Variants in RPS6KC1 observed in about 807,000 individuals in gnomAD.
RPS6KC1 encodes ribosomal protein S6 kinase C1.
In RPS6KC1, 54 loss-of-function variants were observed where a neutral mutation model predicts 103.8. That is an observed-to-expected ratio of 0.52 (90% CI 0.42 to 0.65). The LOEUF (loss-of-function observed/expected upper bound fraction) is 0.65, where lower values mean the gene tolerates loss of function less well. RPS6KC1 is among the 30% of genes least tolerant of loss of function. The probability of loss-of-function intolerance (pLI) is 0.00; values close to 1 mark genes in which losing one functional copy is unlikely to be tolerated. For synonymous variants in RPS6KC1, 439 were observed against 438.7 expected, an observed-to-expected ratio of 1.00 and a Z score of -0.01; for missense variants, 1,151 against 1,253.8, an observed-to-expected ratio of 0.92 and a Z score of 1.24.
chr1:213,676,807 C>T, the RPS6KC1 span, among the ~76,000 whole-genome samples: 1 of 152,210 alleles, frequency 6.6e-6, no homozygotes, highest in East Asian at 1.9e-4. Context: ...TCTCTGAGAT[C>T]AAGTTTTAAA....
chr1:213,576,240 A>G, the RPS6KC1 span, among the ~76,000 whole-genome samples: 1 of 152,194 alleles, frequency 6.6e-6, no homozygotes, highest in Admixed American at 6.5e-5. Context: ...TAAAAATAAT[A>G]TAAATTTAAA....
At chr1:213,223,436 C>G (rs531328290) in intron 8 of RPS6KC1, among the ~76,000 whole-genome samples, 19 of 152,292 alleles carry the variant, frequency 1.2e-4, no homozygotes, top group African/African-American at 4.3e-4. Flanking sequence ...TAGCTTAGCT[C>G]CCACTTACGA....
intron 1 of RPS6KC1, among the ~76,000 whole-genome samples, chr1:213,053,126 T>C (rs1336681426): frequency 6.6e-6 from 1 of 152,210 alleles, no homozygotes; most frequent in African/African-American, 2.4e-5. Context: ...TATACCACTC[T>C]TGAAACCTTT....
the RPS6KC1 span, among the ~76,000 whole-genome samples, chr1:213,339,618 G>A: frequency 6.6e-6 from 1 of 152,222 alleles, no homozygotes; most frequent in Non-Finnish European, 1.5e-5. Context: ...ATATACTTCA[G>A]ATCTCTTTCA....
At chr1:213,609,392 C>A in the RPS6KC1 span, among the ~76,000 whole-genome samples, 9 of 152,254 alleles carry the variant, frequency 5.9e-5, no homozygotes, top group Non-Finnish European at 4.4e-5. Context: ...TTTGTCCTCA[C>A]GCCCACCATG....
the RPS6KC1 span, among the ~76,000 whole-genome samples, chr1:213,294,241 T>A: frequency 1.3e-5 from 2 of 152,206 alleles, no homozygotes; most frequent in African/African-American, 4.8e-5. Flanking sequence ...AGAATTGATC[T>A]TGTAGTTTAC....
At chr1:213,556,374 T>C in the RPS6KC1 span, among the ~76,000 whole-genome samples, 96,127 of 152,088 alleles carry the variant, frequency 0.63, 30,766 homozygotes, top group East Asian at 0.86. Flanking sequence ...ATAGTAACAA[T>C]AGTACATTAT....
At chr1:213,840,880 G>A in the RPS6KC1 span, 1 of 152,120 alleles carries the variant, frequency 6.6e-6, no homozygotes, top group Non-Finnish European at 1.5e-5. Flanking sequence ...AGGGATGCTA[G>A]AGAGGAGATC....
intron 8 of RPS6KC1, among the ~76,000 whole-genome samples, chr1:213,217,114 T>C (rs2093686183): frequency 6.6e-6 from 1 of 151,650 alleles, no homozygotes; most frequent in Admixed American, 6.5e-5. Flanking sequence ...ACAAAATTGA[T>C]AGACAGCTAG....
At chr1:213,616,129 T>C in the RPS6KC1 span, among the ~76,000 whole-genome samples, 4 of 152,216 alleles carry the variant, frequency 2.6e-5, no homozygotes, top group African/African-American at 9.7e-5. Flanking sequence ...GTGCAAGGCA[T>C]GGCCCCAGCT....
the RPS6KC1 span, among the ~76,000 whole-genome samples, chr1:213,536,218 A>C: frequency 6.6e-6 from 1 of 152,172 alleles, no homozygotes; most frequent in South Asian, 2.1e-4. Flanking sequence ...GCTGCATAAA[A>C]CGGAGTAAAT....
the RPS6KC1 span, among the ~76,000 whole-genome samples, chr1:213,413,294 C>T: frequency 6.6e-6 from 1 of 152,148 alleles, no homozygotes; most frequent in African/African-American, 2.4e-5. Context: ...TTTGAGTTAT[C>T]TTGAAATATA....
At chr1:213,337,909 G>A in the RPS6KC1 span, among the ~76,000 whole-genome samples, 1 of 152,130 alleles carries the variant, frequency 6.6e-6, no homozygotes, top group Non-Finnish European at 1.5e-5. Flanking sequence ...ATATAGGGTA[G>A]GGACAATTTC....
the RPS6KC1 span, among the ~76,000 whole-genome samples, chr1:213,354,209 T>C: frequency 6.6e-6 from 1 of 152,228 alleles, no homozygotes; most frequent in Non-Finnish European, 1.5e-5. Flanking sequence ...GTTGGAAGAA[T>C]CCAAGCTGGT....
At chr1:213,825,985 T>C in the RPS6KC1 span, among the ~76,000 whole-genome samples, 1 of 152,230 alleles carries the variant, frequency 6.6e-6, no homozygotes, top group African/African-American at 2.4e-5. Flanking sequence ...ATTTCATTAT[T>C]ACCCAGATAT....
the RPS6KC1 span, among the ~76,000 whole-genome samples, chr1:213,284,370 G>A: frequency 2.6e-5 from 4 of 151,984 alleles, no homozygotes; most frequent in South Asian, 2.1e-4. Flanking sequence ...CAAAAAAACC[G>A]AGCATGGTGG....
At chr1:213,255,149 A>G (rs2094612771) in intron 12 of RPS6KC1, among the ~76,000 whole-genome samples, 1 of 151,956 alleles carries the variant, frequency 6.6e-6, no homozygotes, top group African/African-American at 2.4e-5. Flanking sequence ...AAAAATAGAA[A>G]TAAAAAAATT....
the RPS6KC1 span, among the ~76,000 whole-genome samples, chr1:213,328,543 A>ATAT: frequency 2.2e-3 from 198 of 88,580 alleles, no homozygotes; most frequent in Middle Eastern, 6.0e-3. Flanking sequence ...TATATATATC[A>ATAT]CACACACACG....
chr1:213,172,986 C>G (rs1466256605), intron 7 of RPS6KC1, among the ~76,000 whole-genome samples: 1 of 152,180 alleles, frequency 6.6e-6, no homozygotes, highest in East Asian at 1.9e-4. Flanking sequence ...CCAAGTTTCC[C>G]CTAACAACAT....
Sources: allele counts gnomAD v4.1 joint callset (sites outside exome capture counted in the v4.1 genomes callset), GRCh38; gene constraint gnomAD v4.1.1; transcripts MANE v1.5; gene names NCBI Gene and HGNC (gene_info 2026-07-23, HGNC 2026-07-21).